CAMTA1: variants seen among roughly 807,000 people sequenced by gnomAD.
CAMTA1 encodes calmodulin binding transcription activator 1, also known as calmodulin-binding transcription activator 1.
CAMTA1 carries 27 observed loss-of-function variants against 170.9 expected under a neutral mutation model. The ratio of observed to expected loss-of-function variants is 0.16; its 90% CI spans 0.12 to 0.22. CAMTA1 has a LOEUF of 0.22. Among genes scored for constraint, CAMTA1 ranks in the 10% least tolerant of loss-of-function variants. The pLI is 1.00. For synonymous variants in CAMTA1, 833 were observed against 891.5 expected (o/e 0.93, Z 1.17); for missense variants, 1,619 against 2,217.2 (o/e 0.73, Z 5.42).
rs780624656 is a variant in CAMTA1, at chr1:7,069,118, C to T, written c.235-22186C>T. ...TATCCTAGGAGTGTTTTCCCATTTC[C>T]GGCCATGTCTTTATTTTATGATTGT... On this transcript the variant is annotated intron_variant, in intron 3 of 22. Coordinates refer to ENST00000303635, the MANE Select transcript of CAMTA1 (RefSeq NM_015215.4). Among the ~76,000 whole-genome samples the T allele has an allele frequency of 4.6e-5, 7 of 152,294 alleles. No homozygotes were observed. The South Asian group carries it at 6.2e-4, about 14-fold the overall frequency.
intron 6 of CAMTA1, among the ~76,000 whole-genome samples, chr1:7,598,799 T>C (rs1161121085): frequency 1.3e-5 from 2 of 152,234 alleles, no homozygotes; most frequent in Non-Finnish European, 2.9e-5. Context: ...TGTTTTTTTC[T>C]TGTAAATTTG....
chr1:7,547,163 T>TG lies in CAMTA1; in HGVS notation c.510+79262_510+79263insG, dbSNP rs1173635369. Among the ~76,000 whole-genome samples, 1 of 152,188 alleles carries TG rather than the reference T, an allele frequency of 6.6e-6. No individual in the cohort carries two copies. ...TAAGCCCAATCATTCTTTGAGCACT[T>TG]CCTTGCTTTCTGAACAAGATGTTCC... On this transcript the variant is annotated intron_variant, in intron 6 of 22. Transcript: ENST00000303635. The surrounding 1 kb of genome is among the most constrained non-coding windows in gnomAD (Gnocchi z 5.7).
chr1:7,650,267 A>G (rs531811875), intron 7 of CAMTA1, among the ~76,000 whole-genome samples: 1 of 152,088 alleles, frequency 6.6e-6, no homozygotes, highest in Non-Finnish European at 1.5e-5. Flanking sequence ...GCACATCAGG[A>G]GAAGATTCCG....
chr1:7,160,548 A>G (rs1020472024), intron 4 of CAMTA1, among the ~76,000 whole-genome samples: 2 of 151,808 alleles, frequency 1.3e-5, no homozygotes, highest in Admixed American at 1.3e-4. Context: ...CAACTCCCTG[A>G]CCACCTTCTC....
At chr1:7,613,403 G>C (rs1193855254) in intron 6 of CAMTA1, among the ~76,000 whole-genome samples, 1 of 152,136 alleles carries the variant, frequency 6.6e-6, no homozygotes, top group Admixed American at 6.5e-5. Flanking sequence ...ACACAGGAGA[G>C]GCCCAGCCTG....
intron 11 of CAMTA1, among the ~76,000 whole-genome samples, chr1:7,706,877 C>G (rs1013763370): frequency 1.4e-5 from 2 of 142,780 alleles, no homozygotes; most frequent in Non-Finnish European, 3.0e-5. Flanking sequence ...TGCATTATTT[C>G]AGGCTATTCT....
chr1:7,444,868 G>A (rs2092639249), intron 5 of CAMTA1, among the ~76,000 whole-genome samples: 1 of 152,212 alleles, frequency 6.6e-6, no homozygotes, highest in African/African-American at 2.4e-5. Context: ...AAGCAATTGA[G>A]CACCTACTGT....
At chr1:6,829,728 C>T (rs925350315) in intron 3 of CAMTA1, among the ~76,000 whole-genome samples, 52 of 152,210 alleles carry the variant, frequency 3.4e-4, no homozygotes, top group African/African-American at 8.7e-4. Flanking sequence ...AAGTGGGGGA[C>T]GGGGGAGTTC....
rs142942938 is a variant in CAMTA1, at chr1:6,932,116, C to T, written c.234+106906C>T. Among the ~76,000 whole-genome samples, 756 of 152,302 alleles carry T rather than the reference C, an allele frequency of 5.0e-3. 5 individuals are homozygous for T. The highest frequency in any genetic ancestry group is 7.1e-3 in the Non-Finnish European group (481 of 68,032). The stretch of plus-strand genomic sequence containing the variant: ...AGTTCTGGCATCACCATCGCCAAAT[C>T]AAGATAATGAACGTACCCATCACCC... On this transcript the variant is annotated intron_variant, in intron 3 of 22. Coordinates refer to ENST00000303635, the MANE Select transcript of CAMTA1 (RefSeq NM_015215.4).
At chr1:6,823,899 G>A (rs12091373) in intron 2 of CAMTA1, among the ~76,000 whole-genome samples, 25,800 of 152,054 alleles carry the variant, frequency 0.17, 2,277 homozygotes, top group East Asian at 0.29. Context: ...TTTAATGACA[G>A]TAAATTTTAT....
At chr1:7,371,018 TCTC>T (rs1170228930) in intron 5 of CAMTA1, among the ~76,000 whole-genome samples, 1 of 145,096 alleles carries the variant, frequency 6.9e-6, no homozygotes, top group Non-Finnish European at 1.5e-5. Flanking sequence ...TTCACACCAT[TCTC>T]CTGCCTCAGC....
At chr1:6,859,357 C>T (rs1267278251) in intron 3 of CAMTA1, among the ~76,000 whole-genome samples, 1 of 152,050 alleles carries the variant, frequency 6.6e-6, no homozygotes, top group Non-Finnish European at 1.5e-5. Flanking sequence ...ACGGGTATGC[C>T]ATAAAAAGTT....
intron 5 of CAMTA1, among the ~76,000 whole-genome samples, chr1:7,399,671 A>T (rs773346280): frequency 1.3e-5 from 2 of 152,222 alleles, no homozygotes; most frequent in African/African-American, 2.4e-5. Flanking sequence ...TCTAGTGGTG[A>T]TGAATACCCT....
At chr1:7,485,716 G>T (rs574855501) in intron 6 of CAMTA1, among the ~76,000 whole-genome samples, 51 of 152,220 alleles carry the variant, frequency 3.4e-4, no homozygotes, top group Non-Finnish European at 1.3e-4. Flanking sequence ...CCGGCCCAGT[G>T]CCTTGCTTTG....
At chr1:7,689,901 T>G (rs1465077060) in intron 11 of CAMTA1, among the ~76,000 whole-genome samples, 2 of 152,178 alleles carry the variant, frequency 1.3e-5, no homozygotes, top group Non-Finnish European at 2.9e-5. Context: ...CTCGTGCCTG[T>G]AATCCCAGCA....
intron 3 of CAMTA1, among the ~76,000 whole-genome samples, chr1:6,879,284 T>C (rs978097396): frequency 6.6e-6 from 1 of 152,242 alleles, no homozygotes; most frequent in East Asian, 1.9e-4. Flanking sequence ...TGTGATGTGC[T>C]GTGAGCGAAG....
At chr1:7,439,203 G>A (rs1365154628) in intron 5 of CAMTA1, among the ~76,000 whole-genome samples, 1 of 152,172 alleles carries the variant, frequency 6.6e-6, no homozygotes, top group Non-Finnish European at 1.5e-5. Context: ...GACACAGGTG[G>A]GACAGGCTCC....
intron 1 of CAMTA1, among the ~76,000 whole-genome samples, chr1:6,798,906 C>T (rs1049394403): frequency 1.3e-5 from 2 of 152,032 alleles, no homozygotes; most frequent in Non-Finnish European, 2.9e-5. Flanking sequence ...CTGGCTAAAG[C>T]GTTATCATTT....
At position 7,325,663 on chromosome 1, in the gene CAMTA1, C is replaced by G. The variant is rs1679163796; in HGVS notation, c.438+76037C>G. ...TTCTGCATGTTTTTGTCTTGAGCAC[C>G]TAGAAGAATAGAGTGGGCAGTAACT... On this transcript the variant is annotated intron_variant, in intron 5 of 22. Coordinates refer to ENST00000303635, the MANE Select transcript of CAMTA1 (RefSeq NM_015215.4). This position sits in a 1 kb window ranked among gnomAD's most constrained non-coding sequence, Gnocchi z 5.0. Among the ~76,000 whole-genome samples the G allele has an allele frequency of 6.6e-6, 1 of 152,082 alleles. No individual in the cohort carries two copies. Among genetic ancestry groups the G allele is most frequent in the African/African-American group, 2.4e-5 (1 of 41,382 alleles).
Sources: allele counts gnomAD v4.1 joint callset (sites outside exome capture counted in the v4.1 genomes callset), GRCh38; gene constraint gnomAD v4.1.1; non-coding constraint Gnocchi (gnomAD v3.1); transcripts MANE v1.5; gene names NCBI Gene and HGNC (gene_info 2026-07-23, HGNC 2026-07-21).